The following NTM variants were observed in gnomAD, a reference collection of about 807,000 sequenced individuals.
NTM encodes IgLON family member 2.
NTM carries 13 observed loss-of-function variants against 42.1 expected under a neutral mutation model. That is an observed-to-expected ratio of 0.31 (90% confidence interval 0.20 to 0.49). The LOEUF (loss-of-function observed/expected upper bound fraction) is 0.49, where lower values mean the gene tolerates loss of function less well. Ranked by LOEUF, NTM falls within the 20% of genes least tolerant of loss-of-function variation. The pLI is 0.99. For synonymous variants in NTM, 187 were observed against 179.2 expected (o/e 1.04, Z -0.35); for missense variants, 373 against 452.8 (o/e 0.82, Z 1.60).
intron 2 of NTM, among the ~76,000 whole-genome samples, chr11:132,079,406 C>T (rs572932539): frequency 6.6e-6 from 1 of 152,222 alleles, no homozygotes; most frequent in Admixed American, 6.5e-5. Flanking sequence ...ACTCTAGCGC[C>T]CGAAGAAAGT....
At chr11:131,980,950 A>C (rs1310457795) in intron 2 of NTM, 2 of 152,198 alleles carry the variant, frequency 1.3e-5, no homozygotes, top group African/African-American at 2.4e-5. Context: ...CTGCCTATCC[A>C]CCTGTCATTA....
rs2095854630 is a variant in NTM, at chr11:132,334,626, GTGA to G, written c.968-419_968-417del. ...CACAGGCCAAGCAGCTGGAGGGTGG[GTGA>G]GTATTTCAGGCAGGCAGTGCTCAGA... On this transcript the variant is annotated intron_variant, in intron 8 of 8. Coordinates refer to ENST00000683400, the MANE Select transcript of NTM (RefSeq NM_001352005.2). Among the ~76,000 whole-genome samples, 4 of 152,242 alleles carry G rather than the reference GTGA, an allele frequency of 2.6e-5. No homozygotes were observed. In the South Asian group the frequency reaches 8.3e-4, roughly 32 times the overall value.
chr11:131,961,386 A>T lies in NTM; in HGVS notation c.167+49738A>T, dbSNP rs767082589. Among the ~76,000 whole-genome samples, 8 of 152,340 alleles carry T rather than the reference A, an allele frequency of 5.3e-5. No individual in the cohort carries two copies. In the East Asian group the frequency reaches 9.6e-4, roughly 18 times the overall value. On this transcript the variant is annotated intron_variant, in intron 2 of 8. Transcript: ENST00000683400. ...TTTCTGATTCAATTTTTCAGAGGCT[A>T]TTCCAAAGCTTGGTGATACCAGATG... is the stretch of plus-strand genomic sequence containing the variant.
chr11:132,296,490 A>G (rs763089442), intron 4 of NTM, among the ~76,000 whole-genome samples: 15 of 152,208 alleles, frequency 9.9e-5, no homozygotes, highest in African/African-American at 1.7e-4. Flanking sequence ...TTCAGACCCA[A>G]TATATGAGTA....
chr11:131,786,169 G>GA (rs1244961812), intron 1 of NTM, among the ~76,000 whole-genome samples: 14 of 151,988 alleles, frequency 9.2e-5, no homozygotes, highest in African/African-American at 2.4e-4. Flanking sequence ...AACAACCTCG[G>GA]AAAAAAATGG....
chr11:131,536,533 G>C (rs1028587386), intron 1 of NTM: 9 of 152,102 alleles, frequency 5.9e-5, no homozygotes, highest in African/African-American at 1.9e-4. Context: ...ATACAGAAAA[G>C]ATGAAAGATT....
At chr11:131,464,963 A>G (rs554132117) in intron 1 of NTM, among the ~76,000 whole-genome samples, 15 of 152,332 alleles carry the variant, frequency 9.8e-5, no homozygotes, top group African/African-American at 3.4e-4. Context: ...AGTGGAGGCC[A>G]TTAAAGCCTT....
At chr11:131,759,026 A>G (rs1372598013) in intron 1 of NTM, among the ~76,000 whole-genome samples, 1 of 152,206 alleles carries the variant, frequency 6.6e-6, no homozygotes, top group Admixed American at 6.5e-5. Context: ...CATCTTTGAG[A>G]AGTTTGGTCT....
At chr11:132,087,824 A>G (rs1448581119) in intron 2 of NTM, among the ~76,000 whole-genome samples, 4 of 152,170 alleles carry the variant, frequency 2.6e-5, no homozygotes, top group Non-Finnish European at 5.9e-5. Flanking sequence ...AGGGAGAGAA[A>G]CTTTTGATTG....
At chr11:131,690,424 C>T (rs575726194) in intron 1 of NTM, among the ~76,000 whole-genome samples, 4 of 152,262 alleles carry the variant, frequency 2.6e-5, no homozygotes, top group African/African-American at 9.6e-5. Context: ...GCCAGCCCAG[C>T]GCACCTAGTC....
chr11:132,273,250 A>G (rs758774699), intron 4 of NTM, among the ~76,000 whole-genome samples: 2 of 145,424 alleles, frequency 1.4e-5, no homozygotes, highest in Admixed American at 6.8e-5. Flanking sequence ...CCTGGTAGAA[A>G]TTCCATTGAT....
In NTM at chr11:131,672,821, A is replaced by C. The variant is rs183062840; in HGVS notation, c.83-238743A>C. ...AGGCTTTGCGATAAGTTCTCCCTTAAAACAGAGAAGACCACGGTGCCGGGG... is the reference window on the plus strand; with the variant it reads ...AGGCTTTGCGATAAGTTCTCCCTTACAACAGAGAAGACCACGGTGCCGGGG... On this transcript the variant is annotated intron_variant, in intron 1 of 8. Coordinates refer to ENST00000683400, the MANE Select transcript of NTM (RefSeq NM_001352005.2). 9.1e-3 allele frequency among the ~76,000 whole-genome samples: 1,296 copies of C among 141,774 alleles called. 13 individuals are homozygous for C. Among genetic ancestry groups the C allele is most frequent in the Middle Eastern group, 0.026 (7 of 266 alleles). 93.0% of individuals were successfully genotyped at this position (141,774 alleles called of 152,430 possible). A position where few individuals can be genotyped will look rare whatever the true frequency, so the allele number is the denominator to read the frequency against.
intron 1 of NTM, among the ~76,000 whole-genome samples, chr11:131,866,093 G>GCA (rs772583516): frequency 0.042 from 5,380 of 129,564 alleles, 323 homozygotes; most frequent in Non-Finnish European, 0.054. Flanking sequence ...CATGCTACAT[G>GCA]CACACACACA....
intron 2 of NTM, among the ~76,000 whole-genome samples, chr11:132,089,638 T>C (rs1285566784): frequency 6.6e-6 from 1 of 152,234 alleles, no homozygotes; most frequent in Admixed American, 6.5e-5. Flanking sequence ...TTGTCTCCTC[T>C]TTTCTTAAAT....
chr11:131,674,451 C>A (rs1342900496), intron 1 of NTM, among the ~76,000 whole-genome samples: 2 of 152,230 alleles, frequency 1.3e-5, no homozygotes, highest in Non-Finnish European at 2.9e-5. Flanking sequence ...AAGTGATCAG[C>A]ATGACCTGGA....
chr11:132,317,569 A>G (rs2095463240), intron 7 of NTM: 1 of 729,360 alleles, frequency 1.4e-6, no homozygotes, highest in Non-Finnish European at 2.1e-6. Flanking sequence ...CAGTATACAA[A>G]CTATATATGA....
At chr11:131,389,024 A>AAAAAAAAAAAAGAAAAG (rs774146196) in intron 1 of NTM, among the ~76,000 whole-genome samples, 2 of 89,908 alleles carry the variant, frequency 2.2e-5, no homozygotes, top group African/African-American at 4.6e-5. Context: ...AAAAAAAAAA[A>AAAAAAAAAAAAGAAAAG]AAAAGAAAAG....
chr11:131,926,244 T>C (rs1313327328), intron 2 of NTM, among the ~76,000 whole-genome samples: 5 of 152,230 alleles, frequency 3.3e-5, no homozygotes, highest in African/African-American at 7.2e-5. Context: ...TTTTGTTACC[T>C]TCTTCAGCCC....
chr11:131,415,529 T>C (rs191269770), intron 1 of NTM, among the ~76,000 whole-genome samples: 24 of 152,298 alleles, frequency 1.6e-4, no homozygotes, highest in African/African-American at 5.5e-4. Flanking sequence ...TTATTCAAAA[T>C]TGCACATCTA....
Sources: allele counts gnomAD v4.1 joint callset (sites outside exome capture counted in the v4.1 genomes callset), GRCh38; gene constraint gnomAD v4.1.1; transcripts MANE v1.5; gene names NCBI Gene and HGNC (gene_info 2026-07-23, HGNC 2026-07-21).